The following VSX1 variants were observed in gnomAD, a reference collection of about 807,000 sequenced individuals.
VSX1 encodes visual system homeobox 1.
Under a neutral mutation model 23.6 loss-of-function variants are expected in VSX1, and 23 were observed. The observed-to-expected ratio is 0.97, with a 90% CI of 0.70 to 1.38. The LOEUF is 1.38. Ranked by LOEUF, VSX1 falls within the 40% of genes most tolerant of loss-of-function variation. VSX1 has a pLI of 0.00. For synonymous variants in VSX1, 247 were observed against 215.1 expected, an observed-to-expected ratio of 1.15 and a Z score of -1.30; for missense variants, 517 against 495.4, an observed-to-expected ratio of 1.04 and a Z score of -0.41.
intron 1 of VSX1, among the ~76,000 whole-genome samples, chr20:25,080,924 A>C (rs553181349): frequency 1.1e-4 from 16 of 152,176 alleles, no homozygotes; most frequent in Non-Finnish European, 2.1e-4. Flanking sequence ...TTTCTTGTGT[A>C]ATTCTTTCTT....
chr20:25,073,712 G>T (rs2089429268), downstream of VSX1, among the ~76,000 whole-genome samples: 1 of 152,208 alleles, frequency 6.6e-6, no homozygotes, highest in African/African-American at 2.4e-5. Flanking sequence ...ATGAAATGTG[G>T]CCATAGGTAA....
At chr20:25,071,764 G>A (rs1418588237), downstream of VSX1, 3 of 697,010 alleles carry the variant, frequency 4.3e-6, no homozygotes, top group South Asian at 4.5e-5. Flanking sequence ...CAACTCCTAG[G>A]TTGTTGAATT....
At chr20:25,079,589 A>T (rs1424097363) in intron 1 of VSX1, 75 bp from the exon 2 acceptor site, 1 of 1,489,562 alleles carries the variant, frequency 6.7e-7, no homozygotes, top group Non-Finnish European at 9.2e-7. Context: ...TAATGTGAGG[A>T]TTGAAGTTAT....
intron 1 of VSX1, among the ~76,000 whole-genome samples, chr20:25,079,717 A>C (rs1156542213): frequency 2.0e-5 from 3 of 151,576 alleles, no homozygotes; most frequent in Admixed American, 1.3e-4. Flanking sequence ...TTAATATAAT[A>C]ATAAAACACC....
In VSX1 at chr20:25,081,798, C is replaced by G; in HGVS notation, c.299G>C (p.Cys100Ser). The change falls in exon 1 of 5, where the codon TGC (cysteine) becomes TCC (serine). Residue 100 changes from cysteine to serine, a missense_variant. Transcript: ENST00000376709. ...TQPPAAARAPCLLLADVPFLP... is the reference protein window; with the variant it reads ...TQPPAAARAPSLLLADVPFLP... Reference sequence around the variant, plus strand: ...GAACGGCACGTCCGCTAGGAGCAGGCAGGGTGCTCGAGCGGCCGCCGGCGG... The same window carrying G: ...GAACGGCACGTCCGCTAGGAGCAGGGAGGGTGCTCGAGCGGCCGCCGGCGG... 6.6e-7 allele frequency: 1 copy of G among 1,505,586 alleles called. No individual in the cohort carries two copies. Among genetic ancestry groups the G allele is most frequent in the East Asian group, 2.7e-5 (1 of 37,492 alleles). The allele number at this position is 1,505,586 out of a possible 1,614,324, so 93.3% of individuals were successfully genotyped here.
Position 25,081,899 on chromosome 20 carries a change from C to CG in VSX1, c.197dup (p.Leu68AlafsTer2). ...GCGCCAGGCTGGAGCCGTCAAGCCCCGGGCCCGGGCACGGCGCGACTGCCG... is the reference window on the plus strand; with the variant it reads ...GCGCCAGGCTGGAGCCGTCAAGCCCCGGGGCCCGGGCACGGCGCGACTGCCG... On this transcript the variant is annotated frameshift_variant, in exon 1 of 5. Transcript: ENST00000376709. LOFTEE classifies it high-confidence loss of function. 6.5e-7 allele frequency: 1 copy of CG among 1,528,628 alleles called. No individual in the cohort carries two copies. Among genetic ancestry groups the CG allele is most frequent in the Non-Finnish European group, 8.7e-7 (1 of 1,144,120 alleles). 94.7% of individuals were successfully genotyped at this position (1,528,628 alleles called of 1,614,324 possible). A position where few individuals can be genotyped will look rare whatever the true frequency, so the allele number is the denominator to read the frequency against.
chr20:25,073,864 T>G (rs2089433079), downstream of VSX1, among the ~76,000 whole-genome samples: 1 of 152,134 alleles, frequency 6.6e-6, no homozygotes, highest in Admixed American at 6.5e-5. Context: ...GGTGGTCCTC[T>G]GTGGGGCGTG....
intron 1 of VSX1, 151 bp downstream of exon 1, chr20:25,081,522 A>G: frequency 6.8e-6 from 8 of 1,183,150 alleles, no homozygotes; most frequent in Non-Finnish European, 1.0e-5. Context: ...AGCTCCGCGA[A>G]TGCCCCTCCC....
chr20:25,076,857 T>A (rs1049615590), intron 4 of VSX1, among the ~76,000 whole-genome samples: 5 of 152,186 alleles, frequency 3.3e-5, no homozygotes, highest in Admixed American at 6.5e-5. Flanking sequence ...TTGTGCAATT[T>A]CAGATGAGCC....
At position 25,078,880 on chromosome 20, in the gene VSX1, A is replaced by G. The variant is rs555943681; in HGVS notation, c.576T>C (p.Tyr192=). The change falls in exon 3 of 5, where the codon TAT becomes TAC. Residue 192 remains tyrosine (Y), a synonymous_variant. Transcript: ENST00000376709. ...AFSEAHYPDV[Y]AREMLAVKTE... Reference sequence around the variant, plus strand: ...TTTTCACAGCCAGCATTTCTCGGGCATACACATCAGGGTAGTGGGCCTCGC... The same window carrying G: ...TTTTCACAGCCAGCATTTCTCGGGCGTACACATCAGGGTAGTGGGCCTCGC... The G allele has an allele frequency of 4.2e-5, 68 of 1,614,204 alleles. No individual in the cohort carries two copies. In the South Asian group the frequency reaches 6.3e-4, roughly 15 times the overall value.
At chr20:25,081,635 G>C in intron 1 of VSX1, 38 bp downstream of exon 1, 1 of 1,534,432 alleles carries the variant, frequency 6.5e-7, no homozygotes, top group Non-Finnish European at 8.7e-7. Context: ...CAGAGCCTAG[G>C]GGACAGGGGC....
chr20:25,075,045 C>A (rs1301953812), downstream of VSX1, among the ~76,000 whole-genome samples: 1 of 152,102 alleles, frequency 6.6e-6, no homozygotes, highest in Non-Finnish European at 1.5e-5. Flanking sequence ...TTAATTTTCC[C>A]AAGAGTATGG....
At chr20:25,071,119 C>CT, downstream of VSX1, 1 of 454,034 alleles carries the variant, frequency 2.2e-6, no homozygotes, top group Non-Finnish European at 4.4e-6. Context: ...CAGCTGGTGA[C>CT]TTAGAGGGTC....
In VSX1 at chr20:25,076,064, T is replaced by C. The variant is rs996846206; in HGVS notation, c.*197A>G. 3.8e-5 allele frequency: 27 copies of C among 715,764 alleles called. No individual in the cohort carries two copies. Among genetic ancestry groups the C allele is most frequent in the Middle Eastern group, 4.0e-4 (1 of 2,496 alleles). The allele number at this position is 715,764 out of a possible 1,614,324, so 44.3% of individuals were successfully genotyped here. A position where few individuals can be genotyped will look rare whatever the true frequency, so the allele number is the denominator to read the frequency against. On this transcript the variant is annotated 3_prime_UTR_variant, in exon 5 of 5. Transcript: ENST00000376709. ...TGGTTAAAGTGCCATTAAGGAACCG[T>C]TTCCATTCTAGAATGAAATAGAATT...
chr20:25,079,046 G>A, intron 2 of VSX1, 94 bp from the exon 3 acceptor site: 1 of 1,479,212 alleles, frequency 6.8e-7, no homozygotes, highest in Admixed American at 1.7e-5. Flanking sequence ...TTCCTCTGCT[G>A]TCCAGACCCT....
At position 25,076,036 on chromosome 20, in the gene VSX1, A is replaced by G. The variant is rs1413266369; in HGVS notation, c.*225T>C. ...AGAATCAAAAGTTTTGCACCAAGTTAACTGGTTAAAGTGCCATTAAGGAAC... is the reference window on the plus strand; with the variant it reads ...AGAATCAAAAGTTTTGCACCAAGTTGACTGGTTAAAGTGCCATTAAGGAAC... On this transcript the variant is annotated 3_prime_UTR_variant, in exon 5 of 5. Coordinates refer to ENST00000376709, the MANE Select transcript of VSX1 (RefSeq NM_014588.6). The G allele has an allele frequency of 1.6e-6, 1 of 609,236 alleles. No individual in the cohort carries two copies. Among genetic ancestry groups the G allele is most frequent in the African/African-American group, 1.8e-5 (1 of 54,072 alleles). The allele number at this position is 609,236 out of a possible 1,614,324, so 37.7% of individuals were successfully genotyped here. A position where few individuals can be genotyped will look rare whatever the true frequency, so the allele number is the denominator to read the frequency against.
chr20:25,072,617 T>C (rs1375961108), downstream of VSX1: 3 of 471,098 alleles, frequency 6.4e-6, no homozygotes, highest in South Asian at 1.5e-5. Context: ...GTTCACTTCA[T>C]TTCTCTGCAG....
chr20:25,071,954 C>G (rs1255034464), downstream of VSX1: 1 of 648,024 alleles, frequency 1.5e-6, no homozygotes, highest in Non-Finnish European at 2.8e-6. Flanking sequence ...ACCACGGGGT[C>G]TGGGGAGCCT....
downstream of VSX1, among the ~76,000 whole-genome samples, chr20:25,072,347 T>A (rs1245852282): frequency 6.6e-6 from 1 of 152,216 alleles, no homozygotes; most frequent in Admixed American, 6.5e-5. Flanking sequence ...TGGACAGTTG[T>A]CCCAGTAACT....
Sources: allele counts gnomAD v4.1 joint callset (sites outside exome capture counted in the v4.1 genomes callset), GRCh38; gene constraint gnomAD v4.1.1; transcripts MANE v1.5; gene names NCBI Gene and HGNC (gene_info 2026-07-23, HGNC 2026-07-21).